The following TENM2 variants were observed in gnomAD, a reference collection of about 807,000 sequenced individuals.
TENM2 encodes the protein teneurin transmembrane protein 2, also known as teneurin-2.
In TENM2, 52 loss-of-function variants were observed where a neutral mutation model predicts 245.2. The ratio of observed to expected loss-of-function variants is 0.21; its 90% confidence interval spans 0.17 to 0.27. The LOEUF (loss-of-function observed/expected upper bound fraction) is 0.27, where lower values mean the gene tolerates loss of function less well. TENM2 is among the 10% of genes least tolerant of loss of function. The pLI, the probability that TENM2 is intolerant of heterozygous loss-of-function variation, is 1.00. For synonymous variants in TENM2, 1,363 were observed against 1,438.9 expected (o/e 0.95, Z 1.19); for missense variants, 3,046 against 3,666.8 (o/e 0.83, Z 4.37).
intron 4 of TENM2, among the ~76,000 whole-genome samples, chr5:167,983,886 T>C (rs1783033476): frequency 2.0e-5 from 3 of 152,206 alleles, no homozygotes; most frequent in African/African-American, 7.2e-5. Context: ...ATTCAACACA[T>C]ATTTTAAATC....
the TENM2 span, among the ~76,000 whole-genome samples, chr5:167,212,103 G>A: frequency 6.6e-6 from 1 of 152,156 alleles, no homozygotes; most frequent in African/African-American, 2.4e-5. Context: ...AAACACGGTA[G>A]AGAAGATTGC....
intron 2 of TENM2, among the ~76,000 whole-genome samples, chr5:167,680,309 GT>G (rs1442442830): frequency 3.0e-4 from 4 of 13,296 alleles, no homozygotes; most frequent in Admixed American, 2.1e-3. Flanking sequence ...CATAGAATAA[GT>G]TAAAAAAAAA....
At chr5:167,278,080 G>C in the TENM2 span, among the ~76,000 whole-genome samples, 1 of 152,210 alleles carries the variant, frequency 6.6e-6, no homozygotes, top group South Asian at 2.1e-4. Flanking sequence ...GAGGTGGGTA[G>C]ATCTCTTGGG....
chr5:166,994,497 A>T, the TENM2 span, among the ~76,000 whole-genome samples: 1 of 152,170 alleles, frequency 6.6e-6, no homozygotes, highest in African/African-American at 2.4e-5. Context: ...GGAATAAGTT[A>T]TGCATTTGAG....
chr5:167,000,710 C>T, the TENM2 span, among the ~76,000 whole-genome samples: 484 of 152,304 alleles, frequency 3.2e-3, 14 homozygotes, highest in South Asian at 0.057. Context: ...CGATACCCCA[C>T]TACCTTGTAC....
At chr5:167,564,659 G>A (rs1056278918) in intron 2 of TENM2, among the ~76,000 whole-genome samples, 1 of 152,152 alleles carries the variant, frequency 6.6e-6, no homozygotes, top group African/African-American at 2.4e-5. Context: ...TCTTTTGGGG[G>A]ACTTGCCTGT....
At chr5:167,632,281 GC>G (rs1778923708) in intron 2 of TENM2, among the ~76,000 whole-genome samples, 1 of 152,176 alleles carries the variant, frequency 6.6e-6, no homozygotes, top group Non-Finnish European at 1.5e-5. Context: ...ATGGAGCAAA[GC>G]ATCTTGGATC....
Position 168,011,104 on chromosome 5 carries a change from G to A in TENM2, c.1186+17922G>A, listed in dbSNP as rs555946781. On this transcript the variant is annotated intron_variant, in intron 5 of 28. Transcript: ENST00000518659. ...CACTCCTTGTTCTGCAGTCCGGATA[G>A]AGTAATAACCAGTCGCCTCAGCCTT... 2.9e-3 allele frequency among the ~76,000 whole-genome samples: 435 copies of A among 152,360 alleles called. 3 individuals carry two copies. The highest frequency in any genetic ancestry group is 5.9e-3 in the Admixed American group (91 of 15,308).
rs1042569974 is a variant in TENM2 at position 167,702,369 on chromosome 5, G to A, written c.503-173617G>A. ...TCCATGGGAAAGTTCTGCCTTTCAC[G>A]TGTGTCTAGGTGCTCTCTTTATTAG... is the stretch of plus-strand genomic sequence containing the variant. On this transcript the variant is annotated intron_variant, in intron 2 of 28. Coordinates refer to ENST00000518659, the Ensembl canonical transcript of TENM2. Among the ~76,000 whole-genome samples the A allele has an allele frequency of 7.2e-5, 11 of 151,958 alleles. 1 individual carries two copies. Among genetic ancestry groups the A allele is most frequent in the Middle Eastern group, 6.8e-3 (2 of 292 alleles).
At chr5:167,076,446 A>G in the TENM2 span, among the ~76,000 whole-genome samples, 1 of 152,218 alleles carries the variant, frequency 6.6e-6, no homozygotes, top group Non-Finnish European at 1.5e-5. Context: ...AATATTATTA[A>G]AATGAAACCA....
chr5:167,435,491 G>C (rs1031303598), intron 2 of TENM2, among the ~76,000 whole-genome samples: 1 of 152,190 alleles, frequency 6.6e-6, no homozygotes, highest in African/African-American at 2.4e-5. Context: ...CTCCCCAGCA[G>C]TGTGGAACTG....
At position 167,557,192 on chromosome 5, in the gene TENM2, C is replaced by T. The variant is rs898286439; in HGVS notation, c.502+181719C>T. On this transcript the variant is annotated intron_variant, in intron 2 of 28. Coordinates refer to ENST00000518659, the Ensembl canonical transcript of TENM2. ...TTCTTATCAAGTACCTTATATGCTTCTTTGTGAGTTTTTAAAATGTGGAAT... is the reference window on the plus strand; with the variant it reads ...TTCTTATCAAGTACCTTATATGCTTTTTTGTGAGTTTTTAAAATGTGGAAT... Among the ~76,000 whole-genome samples the T allele has an allele frequency of 7.9e-5, 12 of 152,094 alleles. No individual in the cohort carries two copies. In the East Asian group the frequency reaches 2.3e-3, roughly 29 times the overall value.
chr5:168,107,536 C>T (rs1178022975), intron 9 of TENM2, among the ~76,000 whole-genome samples: 1 of 131,696 alleles, frequency 7.6e-6, no homozygotes. Context: ...TCAGGAAGAC[C>T]CCTTTTTAGC....
the TENM2 span, chr5:167,168,260 G>A: frequency 6.6e-6 from 1 of 152,238 alleles, no homozygotes; most frequent in Non-Finnish European, 1.5e-5. Flanking sequence ...CACGGCTGAG[G>A]TCAAACGTCT....
chr5:167,398,513 C>T (rs929193915), intron 2 of TENM2, among the ~76,000 whole-genome samples: 3 of 151,586 alleles, frequency 2.0e-5, no homozygotes, highest in Non-Finnish European at 4.4e-5. Flanking sequence ...CTCACTGCAA[C>T]CTCTGCTTCT....
chr5:167,290,851 T>C (rs1330350024), intron 1 of TENM2, among the ~76,000 whole-genome samples: 1 of 152,152 alleles, frequency 6.6e-6, no homozygotes, highest in Non-Finnish European at 1.5e-5. Context: ...GTGCATTTTA[T>C]GGCATGTAAA....
chr5:167,490,158 C>T (rs573006408), intron 2 of TENM2, among the ~76,000 whole-genome samples: 4 of 152,192 alleles, frequency 2.6e-5, no homozygotes, highest in Admixed American at 6.5e-5. Flanking sequence ...TCTCAACCAC[C>T]GCAGTTACAA....
chr5:167,767,177 C>G (rs1175080622), intron 2 of TENM2, among the ~76,000 whole-genome samples: 1 of 152,150 alleles, frequency 6.6e-6, no homozygotes, highest in East Asian at 1.9e-4. Context: ...ACAGAATACA[C>G]AAATGTGGCA....
At chr5:167,079,267 A>T in the TENM2 span, among the ~76,000 whole-genome samples, 1 of 141,150 alleles carries the variant, frequency 7.1e-6, no homozygotes, top group East Asian at 2.3e-4. Flanking sequence ...CCATATATAT[A>T]TATACACACA....
Sources: gnomAD v4.1 joint callset for allele counts (sites outside exome capture counted in the v4.1 genomes callset) on GRCh38, gnomAD v4.1.1 for gene constraint, MANE v1.5 for transcripts, NCBI Gene and HGNC (gene_info 2026-07-23, HGNC 2026-07-21) for gene names.